Variants in GMDS observed in about 807,000 individuals in gnomAD.
GMDS encodes GDP-mannose 4,6-dehydratase, also known as GDP-mannose 4,6 dehydratase.
GMDS carries 20 observed loss-of-function variants against 49.9 expected under a neutral mutation model. The ratio of observed to expected loss-of-function variants is 0.40; its 90% confidence interval spans 0.28 to 0.58. GMDS has a LOEUF of 0.58. Among genes scored for constraint, GMDS ranks in the 20% least tolerant of loss-of-function variants. The pLI, the probability that GMDS is intolerant of heterozygous loss-of-function variation, is 0.42. For missense variants in GMDS, 362 were observed against 481.4 expected (o/e 0.75, Z 2.32); for synonymous variants, 177 against 178.6 (o/e 0.99, Z 0.07).
In GMDS at chr6:2,060,200, C is replaced by T. The variant is rs79517139; in HGVS notation, c.345+55571G>A. 5.5e-3 allele frequency among the ~76,000 whole-genome samples: 834 copies of T among 152,220 alleles called. 11 individuals are homozygous for T. The highest frequency in any genetic ancestry group is 0.037 in the Middle Eastern group (11 of 294). ...AGCCTCCCAAGCAAGGCGACCCTGGCGTACTGTTCCCGGGTCCCTGCATTC... is the reference window on the plus strand; with the variant it reads ...AGCCTCCCAAGCAAGGCGACCCTGGTGTACTGTTCCCGGGTCCCTGCATTC... On this transcript the variant is annotated intron_variant, in intron 4 of 10. Coordinates refer to ENST00000380815, the MANE Select transcript of GMDS (RefSeq NM_001500.4).
chr6:2,082,273 C>A (rs567097493), intron 4 of GMDS, among the ~76,000 whole-genome samples: 3 of 152,176 alleles, frequency 2.0e-5, no homozygotes, highest in Non-Finnish European at 4.4e-5. Flanking sequence ...TGGTCATTCC[C>A]TCGATGCACT....
At chr6:1,787,229 C>T (rs772568312) in intron 7 of GMDS, among the ~76,000 whole-genome samples, 7 of 152,110 alleles carry the variant, frequency 4.6e-5, no homozygotes, top group Non-Finnish European at 1.0e-4. Flanking sequence ...ACTGTGAGGT[C>T]AGAAAATGTC....
intron 7 of GMDS, among the ~76,000 whole-genome samples, chr6:1,882,484 T>C (rs910164957): frequency 4.6e-5 from 7 of 152,144 alleles, no homozygotes; most frequent in African/African-American, 1.7e-4. Flanking sequence ...TAGAATAGTA[T>C]GACAAGTTAA....
rs145672036 is a variant in GMDS, at chr6:2,215,768, T to A, written c.102+29553A>T. Among the ~76,000 whole-genome samples, 924 of 152,266 alleles carry A rather than the reference T, an allele frequency of 6.1e-3. 10 individuals carry two copies. Among genetic ancestry groups the A allele is most frequent in the African/African-American group, 0.021 (892 of 41,556 alleles). ...TGTATCACCTTATTCGGACCCTGAT[T>A]CAAACAAATTATTAAAAATAATTAT... is the stretch of plus-strand genomic sequence containing the variant. On this transcript the variant is annotated intron_variant, in intron 1 of 10. Transcript: ENST00000380815.
intron 9 of GMDS, among the ~76,000 whole-genome samples, chr6:1,653,531 A>G (rs1763780755): frequency 1.3e-5 from 2 of 152,242 alleles, no homozygotes; most frequent in Admixed American, 1.3e-4. Flanking sequence ...AAAGTTGGAG[A>G]GCTCACATTT....
chr6:2,245,399 G>A lies in GMDS; in HGVS notation c.24C>T (p.Cys8=), dbSNP rs764507319. 19 of 1,535,022 alleles carry A rather than the reference G, an allele frequency of 1.2e-5. No individual in the cohort carries two copies. In the East Asian group the frequency reaches 2.0e-4, roughly 16 times the overall value. Residue 8 remains cysteine (C), a synonymous_variant, in exon 1 of 11, where the codon TGC becomes TGT. Transcript: ENST00000380815. The part of the protein sequence containing the change: MAHAPAR[C]PSARGSGDGE... ...CGTCCCCGGAGCCCCGGGCGCTGGG[G>A]CAGCGTGCCGGTGCGTGTGCCATGT...
intron 1 of GMDS, among the ~76,000 whole-genome samples, chr6:2,206,952 C>T (rs1779834028): frequency 6.6e-6 from 1 of 152,200 alleles, no homozygotes; most frequent in Non-Finnish European, 1.5e-5. Context: ...CTACTGAAAA[C>T]CACACTCCCA....
At chr6:1,748,434 C>T (rs1767600293) in intron 7 of GMDS, among the ~76,000 whole-genome samples, 1 of 152,088 alleles carries the variant, frequency 6.6e-6, no homozygotes, top group African/African-American at 2.4e-5. Context: ...TATATGATTT[C>T]CTCCAGCCTG....
Position 2,013,925 on chromosome 6 carries a change from C to CATATATAT in GMDS, c.346-52967_346-52960dup, listed in dbSNP as rs10523956. Among the ~76,000 whole-genome samples, 361 of 124,910 alleles carry CATATATAT rather than the reference C, an allele frequency of 2.9e-3. 4 individuals are homozygous for CATATATAT. Among genetic ancestry groups the CATATATAT allele is most frequent in the African/African-American group, 6.7e-3 (189 of 28,264 alleles). The allele number at this position is 124,910 out of a possible 152,430, so 81.9% of individuals were successfully genotyped here. A position where few individuals can be genotyped will look rare whatever the true frequency, so the allele number is the denominator to read the frequency against. Reference sequence around the variant, plus strand: ...AGAGAACACCAGAGAGGATAAAAACCATATATATATATATATATATATATA... The same window carrying CATATATAT: ...AGAGAACACCAGAGAGGATAAAAACCATATATATATATATATATATATATATATATATA... On this transcript the variant is annotated intron_variant, in intron 4 of 10. Transcript: ENST00000380815.
intron 7 of GMDS, among the ~76,000 whole-genome samples, chr6:1,775,535 G>A (rs1486383151): frequency 6.6e-6 from 1 of 152,158 alleles, no homozygotes; most frequent in Non-Finnish European, 1.5e-5. Flanking sequence ...GATGTGCTTG[G>A]ACCCACTATA....
At chr6:2,195,630 GTATTA>G (rs1779243713) in intron 1 of GMDS, among the ~76,000 whole-genome samples, 1 of 151,960 alleles carries the variant, frequency 6.6e-6, no homozygotes, top group East Asian at 1.9e-4. Context: ...GATTTCTTAG[GTATTA>G]TGTGTCCTTC....
At chr6:1,675,499 G>A (rs1337221512) in intron 9 of GMDS, among the ~76,000 whole-genome samples, 1 of 152,096 alleles carries the variant, frequency 6.6e-6, no homozygotes, top group Admixed American at 6.5e-5. Flanking sequence ...GGTGGAAGAA[G>A]GGACATCCTT....
At chr6:1,913,254 G>A (rs1178184575) in intron 7 of GMDS, among the ~76,000 whole-genome samples, 2 of 150,648 alleles carry the variant, frequency 1.3e-5, no homozygotes, top group Non-Finnish European at 1.5e-5. Context: ...AGTGGCGGGC[G>A]CCTGTAGTCC....
At chr6:1,627,551 C>T (rs914419474) in intron 9 of GMDS, among the ~76,000 whole-genome samples, 2 of 152,150 alleles carry the variant, frequency 1.3e-5, no homozygotes, top group Non-Finnish European at 2.9e-5. Flanking sequence ...TTTTGAACTT[C>T]CACAAATCCC....
chr6:2,015,414 T>C (rs1352645474), intron 4 of GMDS, among the ~76,000 whole-genome samples: 2 of 152,104 alleles, frequency 1.3e-5, no homozygotes, highest in Non-Finnish European at 2.9e-5. Flanking sequence ...AAATAAAAAA[T>C]AGATCAGAGA....
intron 7 of GMDS, among the ~76,000 whole-genome samples, chr6:1,814,394 A>G (rs1770568192): frequency 6.6e-6 from 1 of 152,200 alleles, no homozygotes; most frequent in South Asian, 2.1e-4. Context: ...GATAAGTCTT[A>G]CAATGTTTTC....
intron 7 of GMDS, among the ~76,000 whole-genome samples, chr6:1,850,574 A>G (rs73417921): frequency 0.013 from 1,996 of 152,286 alleles, 32 homozygotes; most frequent in African/African-American, 0.046. Flanking sequence ...GGTGGAAACA[A>G]AGAAACATGA....
At chr6:1,682,335 C>T (rs967399330) in intron 9 of GMDS, among the ~76,000 whole-genome samples, 5 of 152,214 alleles carry the variant, frequency 3.3e-5, no homozygotes, top group Admixed American at 6.5e-5. Context: ...TGAGCCCAAA[C>T]GAGCTCCTCT....
At chr6:2,109,089 G>A (rs1774402587) in intron 4 of GMDS, among the ~76,000 whole-genome samples, 1 of 152,186 alleles carries the variant, frequency 6.6e-6, no homozygotes, top group Non-Finnish European at 1.5e-5. Context: ...GGCAGAAACA[G>A]CAAAGACGGA....
Sources: allele counts gnomAD v4.1 joint callset (sites outside exome capture counted in the v4.1 genomes callset), GRCh38; gene constraint gnomAD v4.1.1; transcripts MANE v1.5; gene names NCBI Gene and HGNC (gene_info 2026-07-23, HGNC 2026-07-21).